FMNL2: variants seen among roughly 807,000 people sequenced by gnomAD.
The protein encoded by FMNL2 is formin like 2.
FMNL2 carries 51 observed loss-of-function variants against 130.2 expected under a neutral mutation model. That is an observed-to-expected ratio of 0.39 (90% CI 0.31 to 0.49). FMNL2 has a LOEUF of 0.49. FMNL2 is among the 20% of genes least tolerant of loss of function. The probability of loss-of-function intolerance (pLI) is 0.85; values close to 1 mark genes in which losing one functional copy is unlikely to be tolerated. For synonymous variants in FMNL2, 465 were observed against 467.1 expected (o/e 1.00, Z 0.06); for missense variants, 977 against 1,316.2 (o/e 0.74, Z 3.99).
intron 1 of FMNL2, among the ~76,000 whole-genome samples, chr2:152,387,393 C>T (rs1684843856): frequency 6.6e-6 from 1 of 152,138 alleles, no homozygotes; most frequent in African/African-American, 2.4e-5. Context: ...ATTTAATTGC[C>T]TGCTGACTTG....
intron 2 of FMNL2, among the ~76,000 whole-genome samples, chr2:152,536,717 A>C (rs1486992533): frequency 1.3e-5 from 2 of 152,192 alleles, no homozygotes; most frequent in East Asian, 3.9e-4. Context: ...AGAGAAACTC[A>C]ACAGTGTGTG....
chr2:152,571,942 G>C (rs903440722), intron 6 of FMNL2, among the ~76,000 whole-genome samples: 6 of 151,836 alleles, frequency 4.0e-5, no homozygotes, highest in Admixed American at 3.9e-4. Context: ...TTATTTAGTA[G>C]AGTTTTGGGG....
At chr2:152,338,898 T>C (rs1681643005) in intron 1 of FMNL2, among the ~76,000 whole-genome samples, 1 of 152,166 alleles carries the variant, frequency 6.6e-6, no homozygotes. Context: ...ATGTTTCTGT[T>C]ATACTCTAAC....
At chr2:152,370,738 C>T (rs1683828092) in intron 1 of FMNL2, among the ~76,000 whole-genome samples, 2 of 152,176 alleles carry the variant, frequency 1.3e-5, no homozygotes, top group South Asian at 4.1e-4. Context: ...ACTTTTATTT[C>T]CTGAGGATTG....
At chr2:152,583,129 A>G (rs1696883533) in intron 9 of FMNL2, among the ~76,000 whole-genome samples, 1 of 152,224 alleles carries the variant, frequency 6.6e-6, no homozygotes, top group Non-Finnish European at 1.5e-5. Flanking sequence ...ATGTAATCCT[A>G]AGTCTAATAC....
At chr2:152,403,870 C>A (rs753915741) in intron 1 of FMNL2, among the ~76,000 whole-genome samples, 20 of 152,170 alleles carry the variant, frequency 1.3e-4, no homozygotes, top group African/African-American at 4.8e-4. Context: ...GAGATTGAGA[C>A]CAACCTGGCC....
At chr2:152,517,218 T>C (rs1324672308) in intron 1 of FMNL2, among the ~76,000 whole-genome samples, 1 of 152,168 alleles carries the variant, frequency 6.6e-6, no homozygotes, top group African/African-American at 2.4e-5. Flanking sequence ...GATATTATCA[T>C]GGAATGATGT....
At chr2:152,391,425 G>C (rs543282674) in intron 1 of FMNL2, among the ~76,000 whole-genome samples, 18 of 152,326 alleles carry the variant, frequency 1.2e-4, no homozygotes, top group African/African-American at 4.1e-4. Flanking sequence ...TAGTTGAGTG[G>C]AAATGCATAG....
At chr2:152,373,810 T>A (rs1230085503) in intron 1 of FMNL2, among the ~76,000 whole-genome samples, 1 of 152,076 alleles carries the variant, frequency 6.6e-6, no homozygotes, top group Admixed American at 6.6e-5. Context: ...TTTTTTTTTT[T>A]AAACTCTCAG....
chr2:152,598,819 A>T (rs1697895455), intron 9 of FMNL2, among the ~76,000 whole-genome samples: 1 of 152,260 alleles, frequency 6.6e-6, no homozygotes, highest in Non-Finnish European at 1.5e-5. Flanking sequence ...GATATATCTG[A>T]AGATATAAGA....
intron 6 of FMNL2, 82 bp from the exon 7 acceptor site, chr2:152,575,054 A>G: frequency 1.4e-6 from 1 of 727,886 alleles, no homozygotes; most frequent in Non-Finnish European, 2.3e-6. Context: ...GGTACTGGTG[A>G]AGAGTAGTGT....
intron 1 of FMNL2, among the ~76,000 whole-genome samples, chr2:152,353,004 A>G (rs1056228685): frequency 6.6e-6 from 1 of 152,110 alleles, no homozygotes; most frequent in Non-Finnish European, 1.5e-5. Flanking sequence ...TATTTAACCA[A>G]TGTTTTGCTT....
intron 1 of FMNL2, among the ~76,000 whole-genome samples, chr2:152,336,994 G>A (rs1357227369): frequency 2.6e-5 from 4 of 152,176 alleles, no homozygotes; most frequent in African/African-American, 9.7e-5. Flanking sequence ...CAAATTGCCT[G>A]CCTTCAGGCC....
At chr2:152,585,192 A>T (rs1056949916) in intron 9 of FMNL2, among the ~76,000 whole-genome samples, 1 of 152,196 alleles carries the variant, frequency 6.6e-6, no homozygotes, top group Non-Finnish European at 1.5e-5. Context: ...AAGGGGATTA[A>T]CACATCTGGT....
chr2:152,348,460 T>A (rs1362647908), intron 1 of FMNL2, among the ~76,000 whole-genome samples: 1 of 152,202 alleles, frequency 6.6e-6, no homozygotes, highest in Admixed American at 6.5e-5. Context: ...GAAAGAGGAC[T>A]GGGAATTGGA....
chr2:152,631,654 T>C (rs930549494), intron 20 of FMNL2, among the ~76,000 whole-genome samples: 1 of 152,152 alleles, frequency 6.6e-6, no homozygotes, highest in African/African-American at 2.4e-5. Flanking sequence ...TCTGGAATTT[T>C]CCACTTAGTA....
chr2:152,422,963 T>C (rs1364242027), intron 1 of FMNL2, among the ~76,000 whole-genome samples: 2 of 152,238 alleles, frequency 1.3e-5, no homozygotes, highest in African/African-American at 2.4e-5. Context: ...TACCCTTCTC[T>C]GATGTGCTAT....
intron 1 of FMNL2, among the ~76,000 whole-genome samples, chr2:152,440,982 A>G (rs901334859): frequency 2.0e-5 from 3 of 152,224 alleles, no homozygotes; most frequent in Non-Finnish European, 4.4e-5. Flanking sequence ...TTTTCAAAGA[A>G]GGGGATGTAG....
rs1186703635 is a variant in FMNL2, at chr2:152,552,036, G to C, written c.359+2939G>C. Among the ~76,000 whole-genome samples the C allele has an allele frequency of 5.3e-5, 8 of 152,088 alleles. No homozygotes were observed. The East Asian group carries it at 5.8e-4, about 11-fold the overall frequency. On this transcript the variant is annotated intron_variant, in intron 4 of 25. Coordinates refer to ENST00000288670, the MANE Select transcript of FMNL2 (RefSeq NM_052905.4). ...TCGGTGCCCATTTGCTCAAATTTTTGCTATGCCCCTTTCTAGTTATTTGAC... is the reference window on the plus strand; with the variant it reads ...TCGGTGCCCATTTGCTCAAATTTTTCCTATGCCCCTTTCTAGTTATTTGAC...
Sources: allele counts gnomAD v4.1 joint callset (sites outside exome capture counted in the v4.1 genomes callset), GRCh38; gene constraint gnomAD v4.1.1; transcripts MANE v1.5; gene names NCBI Gene and HGNC (gene_info 2026-07-23, HGNC 2026-07-21).